SMIM13: variants seen among roughly 807,000 people sequenced by gnomAD.
SMIM13 encodes small integral membrane protein 13, also known as UPF0766 protein C6orf228.
In SMIM13, 3 loss-of-function variants were observed where a neutral mutation model predicts 5.9. The ratio of observed to expected loss-of-function variants is 0.51; its 90% CI spans 0.23 to 1.31. The LOEUF (loss-of-function observed/expected upper bound fraction) is 1.31, where lower values mean the gene tolerates loss of function less well. SMIM13 is among the 40% of genes most tolerant of loss of function. SMIM13 has a pLI of 0.18. For missense variants in SMIM13, 85 were observed against 109.9 expected, an observed-to-expected ratio of 0.77 and a Z score of 1.01; for synonymous variants, 55 against 46.0, an observed-to-expected ratio of 1.19 and a Z score of -0.79.
intron 1 of SMIM13, among the ~76,000 whole-genome samples, chr6:11,128,860 C>T (rs890772816): frequency 6.6e-6 from 1 of 152,040 alleles, no homozygotes; most frequent in South Asian, 2.1e-4. Context: ...TGTCCCTCCC[C>T]CAGGCATACA....
At chr6:11,097,952 C>T (rs1757946146) in intron 1 of SMIM13, among the ~76,000 whole-genome samples, 1 of 152,070 alleles carries the variant, frequency 6.6e-6, no homozygotes, top group African/African-American at 2.4e-5. Context: ...CTCGCCGCCC[C>T]CCCACCCAAT....
At chr6:11,126,654 G>T (rs149573402) in intron 1 of SMIM13, among the ~76,000 whole-genome samples, 45 of 152,138 alleles carry the variant, frequency 3.0e-4, no homozygotes, top group African/African-American at 1.0e-3. Context: ...TGGTGAGGTC[G>T]TGTTTTCCTG....
At chr6:11,131,340 C>T (rs1241758793) in intron 1 of SMIM13, among the ~76,000 whole-genome samples, 1 of 151,154 alleles carries the variant, frequency 6.6e-6, no homozygotes, top group Non-Finnish European at 1.5e-5. Context: ...TTTAAAAAAA[C>T]AAGGTGGGTC....
At chr6:11,102,022 G>A (rs903685185) in intron 1 of SMIM13, among the ~76,000 whole-genome samples, 1 of 152,152 alleles carries the variant, frequency 6.6e-6, no homozygotes, top group Non-Finnish European at 1.5e-5. Flanking sequence ...ACAGGTGTGA[G>A]CCACCACGCC....
At chr6:11,102,999 G>T (rs35281611) in intron 1 of SMIM13, 28,790 of 152,088 alleles carry the variant, frequency 0.19, 3,097 homozygotes, top group African/African-American at 0.29. Context: ...CATTGGCATT[G>T]TTCCGGGGTT....
Position 11,134,688 on chromosome 6 carries a change from C to A in SMIM13, c.*86C>A. ...TTGAAATTTACTAATGACTGAAGAACATTTGTATTGGATTTTAAGTCGAAT... is the reference window on the plus strand; with the variant it reads ...TTGAAATTTACTAATGACTGAAGAAAATTTGTATTGGATTTTAAGTCGAAT... On this transcript the variant is annotated 3_prime_UTR_variant, in exon 2 of 2. Transcript: ENST00000416247. 4 of 1,037,062 alleles carry A rather than the reference C, an allele frequency of 3.9e-6. No homozygotes were observed. The highest frequency in any genetic ancestry group is 5.2e-6 in the Non-Finnish European group (4 of 765,682). The allele number at this position is 1,037,062 out of a possible 1,614,324, so 64.2% of individuals were successfully genotyped here. A position where few individuals can be genotyped will look rare whatever the true frequency, so the allele number is the denominator to read the frequency against.
intron 1 of SMIM13, among the ~76,000 whole-genome samples, chr6:11,107,131 G>A (rs1280290024): frequency 6.6e-6 from 1 of 152,206 alleles, no homozygotes; most frequent in African/African-American, 2.4e-5. Flanking sequence ...CGTATGTCAT[G>A]TGGATTATCT....
At chr6:11,098,334 C>G (rs773451078) in intron 1 of SMIM13, among the ~76,000 whole-genome samples, 1 of 152,220 alleles carries the variant, frequency 6.6e-6, no homozygotes, top group Non-Finnish European at 1.5e-5. Flanking sequence ...CTCCATATTA[C>G]CCAGCCTGTG....
In SMIM13 at chr6:11,117,323, C is replaced by T. The variant is rs996568384; in HGVS notation, c.77-17080C>T. 1.3e-4 allele frequency among the ~76,000 whole-genome samples: 18 copies of T among 137,336 alleles called. No individual in the cohort carries two copies. The South Asian group carries it at 4.0e-3, about 30-fold the overall frequency. The allele number at this position is 137,336 out of a possible 152,430, so 90.1% of individuals were successfully genotyped here. On this transcript the variant is annotated intron_variant, in intron 1 of 1. Coordinates refer to ENST00000416247, the MANE Select transcript of SMIM13 (RefSeq NM_001135575.2). ...GGACTACAGGCGCCCGCCACTACGC[C>T]CGGCTAATTTTTTGTATTTTTTTTT...
At chr6:11,105,981 G>A (rs776962745) in intron 1 of SMIM13, among the ~76,000 whole-genome samples, 1 of 152,176 alleles carries the variant, frequency 6.6e-6, no homozygotes, top group Non-Finnish European at 1.5e-5. Flanking sequence ...TACACCCATG[G>A]CTGTGCTGTT....
Position 11,114,592 on chromosome 6 carries a change from C to CTTTTTTTTTT in SMIM13, c.77-19796_77-19787dup, listed in dbSNP as rs58585640. Among the ~76,000 whole-genome samples, 87 of 21,856 alleles carry CTTTTTTTTTT rather than the reference C, an allele frequency of 4.0e-3. 4 individuals are homozygous for CTTTTTTTTTT. Among genetic ancestry groups the CTTTTTTTTTT allele is most frequent in the Admixed American group, 5.2e-3 (6 of 1,154 alleles). The allele number at this position is 21,856 out of a possible 152,430, so 14.3% of individuals were successfully genotyped here. A position where few individuals can be genotyped will look rare whatever the true frequency, so the allele number is the denominator to read the frequency against. Reference sequence around the variant, plus strand: ...ATTGAGATGGTCATGCACTTTTTCTCTTTTTTTTTTTTTTTTTTTTTTTTG... The same window carrying CTTTTTTTTTT: ...ATTGAGATGGTCATGCACTTTTTCTCTTTTTTTTTTTTTTTTTTTTTTTTTTTTTTTTTTG... On this transcript the variant is annotated intron_variant, in intron 1 of 1. Coordinates refer to ENST00000416247, the MANE Select transcript of SMIM13 (RefSeq NM_001135575.2).
chr6:11,104,458 G>C, intron 1 of SMIM13: 1 of 1,552,032 alleles, frequency 6.4e-7, no homozygotes, highest in Non-Finnish European at 8.7e-7. Context: ...ATATGGAAAT[G>C]AAATAAGGGG....
chr6:11,115,303 T>C lies in SMIM13; in HGVS notation c.77-19100T>C, dbSNP rs150479689. On this transcript the variant is annotated intron_variant, in intron 1 of 1. Transcript: ENST00000416247. ...TGTGGGTCAGGAGTCTCCACCTGGCTTAGCTGGGTCCTCTGCTCCTAAAGC... is the reference window on the plus strand; with the variant it reads ...TGTGGGTCAGGAGTCTCCACCTGGCCTAGCTGGGTCCTCTGCTCCTAAAGC... 2.0e-3 allele frequency among the ~76,000 whole-genome samples: 298 copies of C among 152,338 alleles called. 2 individuals are homozygous for C. The highest frequency in any genetic ancestry group is 6.9e-3 in the African/African-American group (287 of 41,584).
At chr6:11,096,773 C>A (rs1757929272) in intron 1 of SMIM13, among the ~76,000 whole-genome samples, 1 of 151,878 alleles carries the variant, frequency 6.6e-6, no homozygotes, top group South Asian at 2.1e-4. Context: ...GATCTCGGCT[C>A]ACCGCAACCT....
intron 1 of SMIM13, among the ~76,000 whole-genome samples, chr6:11,129,238 A>G (rs1758420388): frequency 6.6e-6 from 1 of 152,156 alleles, no homozygotes; most frequent in Non-Finnish European, 1.5e-5. Flanking sequence ...TATCTCTGTT[A>G]GATCAACTTT....
intron 1 of SMIM13, among the ~76,000 whole-genome samples, chr6:11,106,795 A>C (rs186407072): frequency 6.6e-6 from 1 of 152,278 alleles, no homozygotes; most frequent in African/African-American, 2.4e-5. Context: ...ACTGTGCACT[A>C]TTGTCACCTC....
In SMIM13 at chr6:11,137,699, C is replaced by G. The variant is rs1315214758; in HGVS notation, c.*3097C>G. ...CTTTGAAACTTTTTGTGAAAATTGCCTGTACCAATTGCATTGGTTGCGTTG... is the reference window on the plus strand; with the variant it reads ...CTTTGAAACTTTTTGTGAAAATTGCGTGTACCAATTGCATTGGTTGCGTTG... On this transcript the variant is annotated 3_prime_UTR_variant, in exon 2 of 2. Transcript: ENST00000416247. 1 of 152,098 alleles carries G rather than the reference C, an allele frequency of 6.6e-6. No homozygotes were observed. Among genetic ancestry groups the G allele is most frequent in the Non-Finnish European group, 1.5e-5 (1 of 67,990 alleles). The allele number at this position is 152,098 out of a possible 1,614,324, so 9.4% of individuals were successfully genotyped here.
rs1561749037 is a variant in SMIM13, at chr6:11,094,283, GC to G, written c.-27del. On this transcript the variant is annotated 5_prime_UTR_variant, in exon 1 of 2. Transcript: ENST00000416247. ...GCGCTCACCGCCGTCCGCGCCAGCC[GC>G]CCCGAGCCGACTGCCCTTCTGCCCC... The G allele has an allele frequency of 7.9e-6, 11 of 1,388,172 alleles. No homozygotes were observed. Among genetic ancestry groups the G allele is most frequent in the Non-Finnish European group, 1.0e-5 (11 of 1,057,640 alleles). 86.0% of individuals were successfully genotyped at this position (1,388,172 alleles called of 1,614,324 possible).
At chr6:11,097,143 G>C (rs147562825) in intron 1 of SMIM13, among the ~76,000 whole-genome samples, 2 of 151,972 alleles carry the variant, frequency 1.3e-5, no homozygotes, top group East Asian at 1.9e-4. Context: ...CCAGCCAAAC[G>C]CATTTATTTT....
Sources: gnomAD v4.1 joint callset for allele counts (sites outside exome capture counted in the v4.1 genomes callset) on GRCh38, gnomAD v4.1.1 for gene constraint, MANE v1.5 for transcripts, NCBI Gene and HGNC (gene_info 2026-07-23, HGNC 2026-07-21) for gene names.